FOXO1: variants seen among roughly 807,000 people sequenced by gnomAD.
FOXO1 encodes the protein forkhead box O1.
In FOXO1, 6 loss-of-function variants were observed where a neutral mutation model predicts 44.1. The ratio of observed to expected loss-of-function variants is 0.14; its 90% CI spans 0.07 to 0.27. The LOEUF (loss-of-function observed/expected upper bound fraction) is 0.27. Ranked by LOEUF, FOXO1 falls within the 10% of genes least tolerant of loss-of-function variation. The probability of loss-of-function intolerance (pLI) is 1.00; values close to 1 mark genes in which losing one functional copy is unlikely to be tolerated. For missense variants in FOXO1, 737 were observed against 888.8 expected (o/e 0.83, Z 2.17); for synonymous variants, 380 against 362.7 (o/e 1.05, Z -0.54).
At chr13:40,606,388 C>T in intron 1 of FOXO1, among the ~76,000 whole-genome samples, 1 of 152,140 alleles carries the variant, frequency 6.6e-6, no homozygotes, top group Non-Finnish European at 1.5e-5. Context: ...TAGCTCACTG[C>T]AACCTCTGCC....
intron 1 of FOXO1, among the ~76,000 whole-genome samples, chr13:40,609,248 A>G (rs1254731598): frequency 6.6e-6 from 1 of 152,182 alleles, no homozygotes; most frequent in Non-Finnish European, 1.5e-5. Flanking sequence ...GGAGGGTAGA[A>G]TACCAAACTG....
At chr13:40,581,002 AGGGCAACAACATT>A (rs1874935698) in intron 1 of FOXO1, among the ~76,000 whole-genome samples, 1 of 152,240 alleles carries the variant, frequency 6.6e-6, no homozygotes, top group East Asian at 1.9e-4. Flanking sequence ...GGTTATGGTC[AGGGCAACAACATT>A]GGAAAGCCTG....
chr13:40,563,904 T>C (rs760780299), intron 1 of FOXO1, among the ~76,000 whole-genome samples: 11 of 152,198 alleles, frequency 7.2e-5, no homozygotes, highest in Non-Finnish European at 1.5e-4. Flanking sequence ...AGTCTGACCC[T>C]GACATTTTCT....
chr13:40,592,660 G>A (rs976795789), intron 1 of FOXO1, among the ~76,000 whole-genome samples: 3 of 152,116 alleles, frequency 2.0e-5, no homozygotes, highest in Admixed American at 1.3e-4. Flanking sequence ...CTCACACTTT[G>A]TCTTTCTGCA....
chr13:40,608,781 ACAAATGTTATCCTTTCAGTGT>A (rs1876116755), intron 1 of FOXO1, among the ~76,000 whole-genome samples: 1 of 152,196 alleles, frequency 6.6e-6, no homozygotes, highest in African/African-American at 2.4e-5. Flanking sequence ...GAGGGTGGCA[ACAAATGTTATCCTTTCAGTGT>A]CACGTCACAA....
At chr13:40,598,997 C>T (rs1875707760) in intron 1 of FOXO1, among the ~76,000 whole-genome samples, 2 of 152,042 alleles carry the variant, frequency 1.3e-5, no homozygotes, top group Admixed American at 6.6e-5. Context: ...GTATGAAACA[C>T]TTTTAAGATA....
chr13:40,607,279 G>T (rs78740185), intron 1 of FOXO1, among the ~76,000 whole-genome samples: 2,481 of 152,322 alleles, frequency 0.016, 41 homozygotes, highest in Middle Eastern at 0.048. Flanking sequence ...GGAGCGCCTA[G>T]CAAAATGCTG....
intron 1 of FOXO1, chr13:40,620,203 CG>C (rs1876562122): frequency 6.4e-7 from 1 of 1,566,664 alleles, no homozygotes; most frequent in East Asian, 2.3e-5. Context: ...TGCTGTACTA[CG>C]ACATCCAACA....
At chr13:40,581,145 G>A (rs1268328130) in intron 1 of FOXO1, among the ~76,000 whole-genome samples, 6 of 152,268 alleles carry the variant, frequency 3.9e-5, no homozygotes, top group Middle Eastern at 3.4e-3. Flanking sequence ...TGTCCAGAGA[G>A]CATCACTGAA....
chr13:40,581,857 A>T (rs573596699), intron 1 of FOXO1, among the ~76,000 whole-genome samples: 1 of 152,290 alleles, frequency 6.6e-6, no homozygotes, highest in South Asian at 2.1e-4. Context: ...AGCTTTTTTT[A>T]AAAAGGGGAT....
chr13:40,632,617 G>C (rs762585115), intron 1 of FOXO1, among the ~76,000 whole-genome samples: 1 of 151,412 alleles, frequency 6.6e-6, no homozygotes, highest in Non-Finnish European at 1.5e-5. Context: ...CAGCCTGAGC[G>C]ACAGAGCAAG....
intron 1 of FOXO1, among the ~76,000 whole-genome samples, chr13:40,634,090 C>T (rs1877063082): frequency 6.6e-6 from 1 of 152,194 alleles, no homozygotes. Context: ...TAACTGACAA[C>T]AGTTCTTCAA....
At chr13:40,578,863 C>A (rs1484814617) in intron 1 of FOXO1, among the ~76,000 whole-genome samples, 1 of 152,194 alleles carries the variant, frequency 6.6e-6, no homozygotes, top group East Asian at 1.9e-4. Context: ...CATGCATGCA[C>A]ATGCACACCC....
intron 1 of FOXO1, among the ~76,000 whole-genome samples, chr13:40,660,837 G>A (rs573249468): frequency 7.4e-4 from 112 of 152,282 alleles, no homozygotes; most frequent in Non-Finnish European, 1.4e-3. Context: ...AACTATTCGG[G>A]AGGCTGAGGT....
At chr13:40,587,552 C>G (rs866859841) in intron 1 of FOXO1, among the ~76,000 whole-genome samples, 3 of 152,176 alleles carry the variant, frequency 2.0e-5, no homozygotes, top group African/African-American at 7.2e-5. Context: ...CTAAAAGACT[C>G]AAGGACAGAG....
At chr13:40,655,083 C>A (rs924621387) in intron 1 of FOXO1, among the ~76,000 whole-genome samples, 10 of 152,226 alleles carry the variant, frequency 6.6e-5, no homozygotes, top group Admixed American at 6.5e-4. Context: ...TGCCAGTGAT[C>A]CCAGCACTTT....
intron 1 of FOXO1, chr13:40,619,895 G>T (rs17630266): frequency 0.067 from 47,615 of 709,276 alleles, 4,042 homozygotes; most frequent in East Asian, 0.37. Context: ...TGGGAAAATG[G>T]GGCTAGATAT....
intron 1 of FOXO1, among the ~76,000 whole-genome samples, chr13:40,593,355 T>G (rs1314688809): frequency 1.3e-5 from 2 of 152,102 alleles, no homozygotes; most frequent in Admixed American, 1.3e-4. Flanking sequence ...ATTAGACTAT[T>G]TAAAATCTAA....
At position 40,559,761 on chromosome 13, in the gene FOXO1, C is replaced by G. The variant is rs771830343; in HGVS notation, c.1730G>C (p.Gly577Ala). 2 of 1,612,656 alleles carry G rather than the reference C, an allele frequency of 1.2e-6. No individual in the cohort carries two copies. The highest frequency in any genetic ancestry group is 1.7e-5 in the Admixed American group (1 of 59,898). ...PHPMQMSALG[G>A]YSSVSSCNGY... Reference sequence around the variant, plus strand: ...ATTGCAGCTGCTCACGGAGGAGTAGCCCCCCAGGGCACTCATCTGCATGGG... The same window carrying G: ...ATTGCAGCTGCTCACGGAGGAGTAGGCCCCCAGGGCACTCATCTGCATGGG... The change falls in exon 2 of 3, where the codon GGC becomes GCC. Residue 577 changes from glycine (G) to alanine (A), a missense_variant. By Grantham distance (60) the Gly-to-Ala change is moderately conservative. This residue lies in a region of FOXO1 where 283 missense variants were observed against 278.1 expected (regional missense o/e 1.02). Coordinates refer to ENST00000379561, the MANE Select transcript of FOXO1 (RefSeq NM_002015.4).
Sources: gnomAD v4.1 joint callset for allele counts (sites outside exome capture counted in the v4.1 genomes callset) on GRCh38, gnomAD v4.1.1 for gene constraint, gnomAD v4.1.1 regional missense constraint, MANE v1.5 for transcripts, NCBI Gene and HGNC (gene_info 2026-07-23, HGNC 2026-07-21) for gene names.